Variants in D2HGDH observed in about 807,000 individuals in gnomAD.
D2HGDH encodes D-2-hydroxyglutarate dehydrogenase.
D2HGDH carries 31 observed loss-of-function variants against 46.9 expected under a neutral mutation model. The observed-to-expected ratio is 0.66, with a 90% CI of 0.50 to 0.89. The LOEUF is 0.89. Among genes scored for constraint, D2HGDH ranks in the 40% least tolerant of loss-of-function variants. D2HGDH has a pLI of 0.00. For missense variants in D2HGDH, 698 were observed against 720.8 expected (o/e 0.97, Z 0.36); for synonymous variants, 364 against 332.6 (o/e 1.09, Z -1.03).
At chr2:241,740,274 A>T (rs1254000000) in intron 2 of D2HGDH, among the ~76,000 whole-genome samples, 3 of 152,220 alleles carry the variant, frequency 2.0e-5, no homozygotes, top group Admixed American at 6.5e-5. Flanking sequence ...GAGCAACAGG[A>T]TGTCCACATA....
intron 9 of D2HGDH, among the ~76,000 whole-genome samples, chr2:241,756,939 C>T (rs1286320590): frequency 2.0e-5 from 3 of 152,128 alleles, no homozygotes; most frequent in Admixed American, 6.5e-5. Flanking sequence ...GACAGATATT[C>T]ACTCTGGCTT....
chr2:241,750,393 C>CGGGGGGGGGGGGGGGGG, intron 7 of D2HGDH, 99 bp downstream of exon 7: 1 of 489,036 alleles, frequency 2.0e-6, no homozygotes. Flanking sequence ...CGGGGGGTGC[C>CGGGGGGGGGGGGGGGGG]CGGGCGGGCG....
chr2:241,736,331 C>G (rs562960983), intron 2 of D2HGDH: 1 of 152,438 alleles, frequency 6.6e-6, no homozygotes, highest in East Asian at 1.9e-4. Context: ...GACTACATCT[C>G]TAAAACAAAA....
At position 241,767,818 on chromosome 2, in the gene D2HGDH, T is replaced by A; in HGVS notation, c.1415T>A (p.Val472Asp). The A allele has an allele frequency of 6.2e-7, 1 of 1,612,358 alleles. No individual in the cohort carries two copies. The highest frequency in any genetic ancestry group is 8.5e-7 in the Non-Finnish European group (1 of 1,179,512). Residue 472 changes from valine (V) to aspartate (D), a missense_variant, in exon 10 of 10, where the codon GTC becomes GAC. By Grantham distance (152) the Val-to-Asp change is radical (BLOSUM62 -3). Coordinates refer to ENST00000321264, the MANE Select transcript of D2HGDH (RefSeq NM_152783.5). ...TGGACGGCCGGGCAGCAGGGCAGCG[T>A]CAGCGCGGAGCACGGAGTGGGCTTC... The part of the protein sequence containing the change: ...YEWTAGQQGS[V>D]SAEHGVGFRK...
chr2:241,755,278 AC>A, intron 8 of D2HGDH: 2 of 1,073,596 alleles, frequency 1.9e-6, no homozygotes, highest in South Asian at 1.6e-5. Context: ...CCTGTGGCCC[AC>A]CCGCCATGTC....
chr2:241,744,857 C>G lies in D2HGDH; in HGVS notation c.833C>G (p.Ala278Gly). ...ATCTTGTGTCCACCCAAGCCCAGGG[C>G]TGTGAACGTGGCTTTCCTCGGTGGG... ...VSILCPPKPR[A>G]VNVAFLGCPG... The change falls in exon 6 of 10, where the codon GCT (alanine) becomes GGT (glycine). Residue 278 changes from alanine to glycine, a missense_variant. By Grantham distance (60) the Ala-to-Gly change is moderately conservative. Transcript: ENST00000321264. 1 of 1,614,008 alleles carries G rather than the reference C, an allele frequency of 6.2e-7. No homozygotes were observed. Among genetic ancestry groups the G allele is most frequent in the Non-Finnish European group, 8.5e-7 (1 of 1,179,966 alleles).
At chr2:241,756,602 A>ACCT (rs1553611558) in intron 9 of D2HGDH, among the ~76,000 whole-genome samples, 5 of 151,906 alleles carry the variant, frequency 3.3e-5, no homozygotes, top group Non-Finnish European at 7.4e-5. Flanking sequence ...GCTCACTGCA[A>ACCT]CCTCCATCTT....
Position 241,743,069 on chromosome 2 carries a change from G to A in D2HGDH, c.490+495G>A, listed in dbSNP as rs887057308. Among the ~76,000 whole-genome samples the A allele has an allele frequency of 3.5e-5, 5 of 141,268 alleles. No individual in the cohort carries two copies. Among genetic ancestry groups the A allele is most frequent in the Non-Finnish European group, 7.7e-5 (5 of 65,344 alleles). 92.7% of individuals were successfully genotyped at this position (141,268 alleles called of 152,430 possible). A position where few individuals can be genotyped will look rare whatever the true frequency, so the allele number is the denominator to read the frequency against. On this transcript the variant is annotated intron_variant, in intron 4 of 9. Transcript: ENST00000321264. This position sits in a 1 kb window ranked among gnomAD's most constrained non-coding sequence, Gnocchi z 4.8. ...GGATCCTGACCCAGGGCGCCAGGGC[G>A]TGGCAGGCGTGAGGGGATCCTGACC... is the stretch of plus-strand genomic sequence containing the variant.
chr2:241,741,426 G>A (rs1575207746), intron 3 of D2HGDH, among the ~76,000 whole-genome samples: 1 of 152,188 alleles, frequency 6.6e-6, no homozygotes, highest in South Asian at 2.1e-4. Context: ...GGTGCTTTGG[G>A]GCAACGTGCA....
chr2:241,753,848 C>G (rs1697699638), intron 8 of D2HGDH, among the ~76,000 whole-genome samples: 1 of 152,236 alleles, frequency 6.6e-6, no homozygotes, highest in South Asian at 2.1e-4. Flanking sequence ...GAAGCCTTGC[C>G]CCATAAACTC....
At chr2:241,765,126 C>G (rs964425821) in intron 9 of D2HGDH, among the ~76,000 whole-genome samples, 9 of 152,210 alleles carry the variant, frequency 5.9e-5, no homozygotes, top group Admixed American at 1.3e-4. Flanking sequence ...TAGAGCTGCC[C>G]TGGGCGCCAC....
At position 241,741,067 on chromosome 2, in the gene D2HGDH, G is replaced by A. The variant is rs374304979; in HGVS notation, c.327G>A (p.Ser109=). ...AGGTGCTGCTGAGGCCACGGACGTC[G>A]GAGGAGGTGTCCCACATCCTCAGGT... ...CSKVLLRPRT[S]EEVSHILRHC... Residue 109 remains serine, a synonymous_variant, in exon 3 of 10, where the codon TCG becomes TCA. Transcript: ENST00000321264. 5.5e-5 allele frequency: 89 copies of A among 1,613,872 alleles called. No individual in the cohort carries two copies. The highest frequency in any genetic ancestry group is 3.6e-4 in the South Asian group (33 of 91,046).
intron 6 of D2HGDH, chr2:241,749,191 A>G: frequency 1.1e-6 from 1 of 878,230 alleles, no homozygotes; most frequent in Non-Finnish European, 1.5e-6. Context: ...CAGACCCTCC[A>G]ACACCACCAC....
At chr2:241,764,161 C>A (rs1699072329) in intron 9 of D2HGDH, among the ~76,000 whole-genome samples, 1 of 152,038 alleles carries the variant, frequency 6.6e-6, no homozygotes, top group African/African-American at 2.4e-5. Context: ...CTGGCCTGAG[C>A]ACGCATCCGT....
At chr2:241,740,230 G>A (rs1694066541) in intron 2 of D2HGDH, among the ~76,000 whole-genome samples, 1 of 152,068 alleles carries the variant, frequency 6.6e-6, no homozygotes, top group Admixed American at 6.6e-5. Context: ...ATTTGGTCTA[G>A]GATAATCAAA....
In D2HGDH at chr2:241,755,362, C is replaced by T. The variant is rs374337961; in HGVS notation, c.1141-487C>T. 101 of 1,303,422 alleles carry T rather than the reference C, an allele frequency of 7.7e-5. 1 individual carries two copies. The East Asian group carries it at 1.4e-3, about 18-fold the overall frequency. The allele number at this position is 1,303,422 out of a possible 1,614,324, so 80.7% of individuals were successfully genotyped here. A position where few individuals can be genotyped will look rare whatever the true frequency, so the allele number is the denominator to read the frequency against. ...TGTCCCCACTGCCTGTGTGACTCTG[C>T]GCCCCCTTCCCTACCCTGCCCCACC... On this transcript the variant is annotated intron_variant, in intron 8 of 9. Coordinates refer to ENST00000321264, the MANE Select transcript of D2HGDH (RefSeq NM_152783.5).
intron 5 of D2HGDH, among the ~76,000 whole-genome samples, chr2:241,744,205 A>T (rs1291951126): frequency 6.6e-6 from 1 of 152,202 alleles, no homozygotes; most frequent in African/African-American, 2.4e-5. Flanking sequence ...TCACCAGCCG[A>T]GTGTCACAGG....
chr2:241,745,162 G>T (rs1695542943), intron 6 of D2HGDH, among the ~76,000 whole-genome samples: 1 of 152,210 alleles, frequency 6.6e-6, no homozygotes, highest in Non-Finnish European at 1.5e-5. Flanking sequence ...ACCCCATCGT[G>T]TTGGTTGAGT....
chr2:241,760,919 C>T (rs748270277), intron 9 of D2HGDH, among the ~76,000 whole-genome samples: 4 of 152,174 alleles, frequency 2.6e-5, no homozygotes, highest in Non-Finnish European at 5.9e-5. Context: ...TGTGTCTCTC[C>T]ATCTTTCTCT....
Sources: gnomAD v4.1 joint callset for allele counts (sites outside exome capture counted in the v4.1 genomes callset) on GRCh38, gnomAD v4.1.1 for gene constraint, Gnocchi (gnomAD v3.1) non-coding constraint, MANE v1.5 for transcripts, NCBI Gene and HGNC (gene_info 2026-07-23, HGNC 2026-07-21) for gene names.